FGD2: variants seen among roughly 807,000 people sequenced by gnomAD.
FGD2 encodes the protein FYVE, RhoGEF and PH domain containing 2.
In FGD2, 52 loss-of-function variants were observed where a neutral mutation model predicts 75.9. The observed-to-expected ratio is 0.69, with a 90% CI of 0.55 to 0.86. FGD2 has a LOEUF of 0.86. Among genes scored for constraint, FGD2 ranks in the 40% least tolerant of loss-of-function variants. FGD2 has a pLI of 0.00. For synonymous variants in FGD2, 347 were observed against 348.6 expected, an observed-to-expected ratio of 1.00 and a Z score of 0.05; for missense variants, 790 against 872.0, an observed-to-expected ratio of 0.91 and a Z score of 1.18.
At chr6:37,015,663 G>A (rs754143625) in intron 8 of FGD2, 105 bp from the exon 9 acceptor site, 242 of 972,338 alleles carry the variant, frequency 2.5e-4, no homozygotes, top group Non-Finnish European at 3.6e-4. Flanking sequence ...AAAGGGGAGC[G>A]GGTCCAGTGG....
intron 14 of FGD2, among the ~76,000 whole-genome samples, chr6:37,026,990 A>C (rs1414403296): frequency 2.0e-5 from 3 of 151,808 alleles, no homozygotes; most frequent in African/African-American, 7.3e-5. Context: ...CCTGAGCAAC[A>C]AGAGAGAAAC....
In FGD2 at chr6:37,028,615, C is replaced by CTTCTTTTTTTTT. The variant is rs781196997; in HGVS notation, c.*454_*455insCTTTTTTTTTTT. The CTTCTTTTTTTTT allele has an allele frequency of 1.3e-5, 1 of 79,024 alleles. No homozygotes were observed. Among genetic ancestry groups the CTTCTTTTTTTTT allele is most frequent in the African/African-American group, 5.5e-5 (1 of 18,142 alleles). The allele number at this position is 79,024 out of a possible 1,614,324, so 4.9% of individuals were successfully genotyped here. A position where few individuals can be genotyped will look rare whatever the true frequency, so the allele number is the denominator to read the frequency against. ...GGCTGAGTTGGGGGAGGCATGGGGT[C>CTTCTTTTTTTTT]TTTTTTTTTTTTTTTTTGAGACAGA... On this transcript the variant is annotated 3_prime_UTR_variant, in exon 16 of 16. Coordinates refer to ENST00000274963, the MANE Select transcript of FGD2 (RefSeq NM_173558.4).
At chr6:37,020,120 G>A (rs1583315125) in intron 9 of FGD2, among the ~76,000 whole-genome samples, 1 of 152,126 alleles carries the variant, frequency 6.6e-6, no homozygotes, top group Non-Finnish European at 1.5e-5. Context: ...CCAAAATGCT[G>A]GGATTACAGG....
At chr6:37,010,860 C>A in intron 2 of FGD2, 113 bp from the exon 3 acceptor site, 1 of 1,017,634 alleles carries the variant, frequency 9.8e-7, no homozygotes. Flanking sequence ...CCATGAATCC[C>A]GGGAGGCATG....
chr6:37,014,922 C>T lies in FGD2; in HGVS notation c.913C>T (p.Gln305Ter), dbSNP rs1362721531. 6.2e-7 allele frequency: 1 copy of T among 1,614,000 alleles called. No individual in the cohort carries two copies. The highest frequency in any genetic ancestry group is 8.5e-7 in the Non-Finnish European group (1 of 1,180,002). Residue 305 changes from glutamine to a stop codon, truncating the protein, a stop_gained, in exon 8 of 16, where the codon CAG becomes TAG. Coordinates refer to ENST00000274963, the MANE Select transcript of FGD2 (RefSeq NM_173558.4). LOFTEE classifies it high-confidence loss of function. ...ERLQDLWEVY[Q>*]RLGLEDDIVD... ...GCTGCAGGACCTGTGGGAGGTGTAC[C>T]AGCGCCTGGGCCTCGAGGACGACAT...
chr6:37,013,044 G>A (rs551793318), intron 4 of FGD2: 1 of 114,676 alleles, frequency 8.7e-6, no homozygotes, highest in African/African-American at 3.3e-5. Flanking sequence ...CAGTGTGAGG[G>A]GCATGGAATG....
Position 37,011,570 on chromosome 6 carries a change from C to T in FGD2, c.379-136C>T, listed in dbSNP as rs562170740. 6.3e-5 allele frequency: 76 copies of T among 1,206,182 alleles called. No individual in the cohort carries two copies. The African/African-American group carries it at 7.9e-4, about 13-fold the overall frequency. The allele number at this position is 1,206,182 out of a possible 1,614,324, so 74.7% of individuals were successfully genotyped here. On this transcript the variant is annotated intron_variant, in intron 3 of 15. Transcript: ENST00000274963. The stretch of plus-strand genomic sequence containing the variant: ...CACAACCTCCCCTGCCTTCTTTTCC[C>T]GGGGTTGCTGTGAGGATGCCGGGAG...
At position 37,014,085 on chromosome 6, in the gene FGD2, C is replaced by A. The variant is rs202181515; in HGVS notation, c.808C>A (p.Gln270Lys). Residue 270 changes from glutamine to lysine, a missense_variant, in exon 6 of 16, where the codon CAG (glutamine) becomes AAG (lysine). Gln to Lys is a moderately conservative substitution (Grantham distance 53, BLOSUM62 1). Coordinates refer to ENST00000274963, the MANE Select transcript of FGD2 (RefSeq NM_173558.4). Reference sequence around the variant, plus strand: ...GAAGCTGCCAGCCCAGGCCCCAGACCAGGCCGATGCCCAGAGTGAGGACAC... The same window carrying A: ...GAAGCTGCCAGCCCAGGCCCCAGACAAGGCCGATGCCCAGAGTGAGGACAC... ...IQKLPAQAPDQADAQKALDMI... is the reference protein window; with the variant it reads ...IQKLPAQAPDKADAQKALDMI... 5.6e-6 allele frequency: 9 copies of A among 1,613,936 alleles called. No homozygotes were observed. In the Admixed American group the frequency reaches 1.5e-4, roughly 27 times the overall value.
intron 13 of FGD2, chr6:37,024,106 C>T (rs1192500043): frequency 6.6e-6 from 1 of 152,070 alleles, no homozygotes; most frequent in Admixed American, 6.5e-5. Flanking sequence ...TTTGGGAGGC[C>T]GAGGTGAGCG....
chr6:37,010,548 A>G (rs1764955023), intron 2 of FGD2, among the ~76,000 whole-genome samples: 1 of 152,210 alleles, frequency 6.6e-6, no homozygotes, highest in Non-Finnish European at 1.5e-5. Context: ...TGCCCAAGAC[A>G]GCTCAGCTCG....
Position 37,020,706 on chromosome 6 carries a change from C to T in FGD2, c.1203-3C>T. On this transcript the variant is annotated splice_polypyrimidine_tract_variant and splice_region_variant and intron_variant, in intron 10 of 15. Transcript: ENST00000274963. ...TCAACACCTGTGTTCACTTTCCGAG[C>T]AGGTCCCAGGAGGAAATGATTTCCT... 6.4e-7 allele frequency: 1 copy of T among 1,574,048 alleles called. No homozygotes were observed. The highest frequency in any genetic ancestry group is 8.6e-7 in the Non-Finnish European group (1 of 1,158,170).
At chr6:37,016,009 T>C (rs1765269502) in intron 9 of FGD2, 149 bp downstream of exon 9, 1 of 747,184 alleles carries the variant, frequency 1.3e-6, no homozygotes, top group Non-Finnish European at 2.2e-6. Flanking sequence ...TGTGGGGCTC[T>C]CCCCTCTGGG....
rs181848181 is a variant in FGD2 at position 37,020,531 on chromosome 6, C to T, written c.1123-10C>T. 2 of 1,601,554 alleles carry T rather than the reference C, an allele frequency of 1.2e-6. No individual in the cohort carries two copies. The highest frequency in any genetic ancestry group is 2.2e-4 in the Middle Eastern group (1 of 4,636). On this transcript the variant is annotated splice_polypyrimidine_tract_variant and intron_variant, in intron 9 of 15. Transcript: ENST00000274963. ...TGAGTCTGAACTGGTTGCCTCCCTC[C>T]TCTTGGCAGGTGCGGGAGCTGATGG... is the stretch of plus-strand genomic sequence containing the variant.
At chr6:37,022,495 C>T (rs1476910396) in intron 13 of FGD2, 125 bp downstream of exon 13, 2 of 1,336,368 alleles carry the variant, frequency 1.5e-6, no homozygotes, top group Non-Finnish European at 9.8e-7. Flanking sequence ...ACCTGCCCCA[C>T]CTCGGCCTCC....
chr6:37,027,096 TAG>T (rs1294003736), intron 14 of FGD2, among the ~76,000 whole-genome samples: 1 of 151,858 alleles, frequency 6.6e-6, no homozygotes, highest in Non-Finnish European at 1.5e-5. Flanking sequence ...CCCTGACCAC[TAG>T]GCAACACAGC....
chr6:37,011,698 G>C lies in FGD2; in HGVS notation c.379-8G>C, dbSNP rs781212112. On this transcript the variant is annotated splice_polypyrimidine_tract_variant and splice_region_variant and intron_variant, in intron 3 of 15. Transcript: ENST00000274963. ...ACTGCAGTGAGTGACCTGTCGTGGC[G>C]GCTACAGGTGTTTTTCCAGGAGCTG... 9 of 1,613,464 alleles carry C rather than the reference G, an allele frequency of 5.6e-6. No individual in the cohort carries two copies. In the Middle Eastern group the frequency reaches 1.5e-3, roughly 267 times the overall value.
At position 37,025,585 on chromosome 6, in the gene FGD2, G is replaced by A. The variant is rs148695566; in HGVS notation, c.1459-207G>A. The A allele has an allele frequency of 3.8e-3, 2,234 of 588,512 alleles. 21 individuals carry two copies. The highest frequency in any genetic ancestry group is 0.025 in the African/African-American group (1,347 of 53,760). 36.5% of individuals were successfully genotyped at this position (588,512 alleles called of 1,614,324 possible). ...CCCTCAGCCTAAGAGCCCCGAGCCC[G>A]AGCTCCCCCATGTGTCGCAGCCTCC... On this transcript the variant is annotated intron_variant, in intron 13 of 15. Coordinates refer to ENST00000274963, the MANE Select transcript of FGD2 (RefSeq NM_173558.4).
chr6:37,025,428 G>T, intron 13 of FGD2: 1 of 269,328 alleles, frequency 3.7e-6, no homozygotes, highest in Non-Finnish European at 7.3e-6. Flanking sequence ...GGAGAGGACA[G>T]CATTTGGAAA....
rs1294805469 is a variant in FGD2, at chr6:37,028,441, A to C, written c.*278A>C. 2 of 440,260 alleles carry C rather than the reference A, an allele frequency of 4.5e-6. No homozygotes were observed. The highest frequency in any genetic ancestry group is 8.1e-6 in the Non-Finnish European group (2 of 245,768). 27.3% of individuals were successfully genotyped at this position (440,260 alleles called of 1,614,324 possible). On this transcript the variant is annotated 3_prime_UTR_variant, in exon 16 of 16. Coordinates refer to ENST00000274963, the MANE Select transcript of FGD2 (RefSeq NM_173558.4). ...TGCTAAAACTGGGAAAGCCCCAGGT[A>C]ACCCCGGACTGGTGGTCACCATAGT... is the stretch of plus-strand genomic sequence containing the variant.
Sources: allele counts gnomAD v4.1 joint callset (sites outside exome capture counted in the v4.1 genomes callset), GRCh38; gene constraint gnomAD v4.1.1; transcripts MANE v1.5; gene names NCBI Gene and HGNC (gene_info 2026-07-23, HGNC 2026-07-21).